Variants in SAMMSON observed in about 807,000 individuals in gnomAD.
The protein encoded by SAMMSON is long intergenic non-protein coding RNA 1212.
intron 3 of SAMMSON, among the ~76,000 whole-genome samples, chr3:70,030,979 C>T (rs533574028): frequency 2.0e-5 from 3 of 152,152 alleles, no homozygotes; most frequent in Non-Finnish European, 4.4e-5. Flanking sequence ...CTGTGAAAAA[C>T]AGTTCAGCAA....
At chr3:70,006,281 T>C (rs751839964) in intron 1 of SAMMSON, among the ~76,000 whole-genome samples, 3 of 152,198 alleles carry the variant, frequency 2.0e-5, no homozygotes, top group Non-Finnish European at 4.4e-5. Flanking sequence ...TCTCACACAT[T>C]TGTGGAGTGT....
intron 9 of SAMMSON, among the ~76,000 whole-genome samples, chr3:70,369,742 A>G (rs1702950812): frequency 6.6e-6 from 1 of 151,888 alleles, no homozygotes; most frequent in Non-Finnish European, 1.5e-5. Flanking sequence ...TTACATTCCT[A>G]GAGTGTATAA....
intron 6 of SAMMSON, among the ~76,000 whole-genome samples, chr3:70,257,641 A>T (rs1701829098): frequency 1.3e-5 from 2 of 152,220 alleles, no homozygotes; most frequent in Non-Finnish European, 2.9e-5. Flanking sequence ...GCTATGAAAC[A>T]TTGCTTAGAG....
chr3:70,267,247 A>T (rs1397197429), intron 6 of SAMMSON, among the ~76,000 whole-genome samples: 3 of 152,160 alleles, frequency 2.0e-5, no homozygotes, highest in Non-Finnish European at 4.4e-5. Context: ...GGCAGAATGC[A>T]AAACAAGAAT....
At chr3:70,275,831 T>C (rs1312021113) in intron 6 of SAMMSON, among the ~76,000 whole-genome samples, 1 of 152,212 alleles carries the variant, frequency 6.6e-6, no homozygotes, top group African/African-American at 2.4e-5. Flanking sequence ...AAATAAGAAC[T>C]TTTCTGCTAA....
At chr3:70,375,050 A>G (rs2686539) in intron 9 of SAMMSON, among the ~76,000 whole-genome samples, 84,135 of 151,944 alleles carry the variant, frequency 0.55, 23,555 homozygotes, top group East Asian at 0.6. Context: ...ATATGTGTGC[A>G]TGCGTGTAAA....
chr3:70,424,081 C>T (rs780831661), intron 2 of SAMMSON, among the ~76,000 whole-genome samples: 3 of 152,004 alleles, frequency 2.0e-5, no homozygotes, highest in African/African-American at 7.2e-5. Context: ...AATTGATTTC[C>T]ATTGTGTAGA....
intron 3 of SAMMSON, chr3:70,068,756 G>A (rs1019854515): frequency 6.6e-6 from 1 of 151,980 alleles, no homozygotes; most frequent in African/African-American, 2.4e-5. Flanking sequence ...AGGATTTCTC[G>A]AGTCACAGTC....
chr3:70,215,993 AT>A (rs1190555742), intron 4 of SAMMSON, among the ~76,000 whole-genome samples: 7 of 152,080 alleles, frequency 4.6e-5, no homozygotes, highest in African/African-American at 1.7e-4. Flanking sequence ...TGAATGCAAC[AT>A]TTGCATTGAT....
At chr3:70,341,330 T>C (rs1453768823) in intron 7 of SAMMSON, among the ~76,000 whole-genome samples, 4 of 151,078 alleles carry the variant, frequency 2.6e-5, no homozygotes. Flanking sequence ...GCAGACCCTG[T>C]TTTTTTTGGC....
chr3:70,302,446 CTT>C (rs138479889), intron 7 of SAMMSON: 1 of 151,910 alleles, frequency 6.6e-6, no homozygotes, highest in African/African-American at 2.4e-5. Context: ...ACATAAGAGA[CTT>C]TTTTTTCCTC....
At chr3:70,284,692 C>A (rs1371261646) in intron 6 of SAMMSON, among the ~76,000 whole-genome samples, 3 of 152,108 alleles carry the variant, frequency 2.0e-5, no homozygotes, top group Non-Finnish European at 4.4e-5. Context: ...GGGAGCTAAA[C>A]AATGAGAACA....
chr3:70,065,600 A>G lies in SAMMSON; in HGVS notation n.418-5876A>G, dbSNP rs1385795405. Reference sequence around the variant, plus strand: ...TTTCAGAAGTATCCACTCTACTGCAAGAGTTCTCCCTGGGGGGCTGTTGTC... The same window carrying G: ...TTTCAGAAGTATCCACTCTACTGCAGGAGTTCTCCCTGGGGGGCTGTTGTC... On this transcript the variant is annotated intron_variant and non_coding_transcript_variant, in intron 3 of 9. Transcript: ENST00000642114. Among the ~76,000 whole-genome samples, 6 of 152,068 alleles carry G rather than the reference A, an allele frequency of 3.9e-5. No homozygotes were observed. In the East Asian group the frequency reaches 9.7e-4, roughly 25 times the overall value.
At chr3:70,323,779 C>T (rs756499779) in intron 7 of SAMMSON, among the ~76,000 whole-genome samples, 1 of 152,128 alleles carries the variant, frequency 6.6e-6, no homozygotes, top group Non-Finnish European at 1.5e-5. Context: ...TGTGAGGCCA[C>T]AGTTCATCTG....
intron 4 of SAMMSON, among the ~76,000 whole-genome samples, chr3:70,199,087 A>G (rs1254802311): frequency 1.3e-5 from 2 of 152,200 alleles, no homozygotes; most frequent in African/African-American, 4.8e-5. Flanking sequence ...TGAATGCTCA[A>G]GAGACTTACT....
chr3:70,055,828 C>G (rs967499736), intron 3 of SAMMSON, among the ~76,000 whole-genome samples: 2 of 152,052 alleles, frequency 1.3e-5, no homozygotes, highest in African/African-American at 4.8e-5. Context: ...ATTCCTTCCT[C>G]TTTGGACTTT....
chr3:70,374,102 CAG>C (rs1702991896), intron 9 of SAMMSON, among the ~76,000 whole-genome samples: 1 of 152,118 alleles, frequency 6.6e-6, no homozygotes, highest in African/African-American at 2.4e-5. Flanking sequence ...TTAATAGAGA[CAG>C]GGTTTCTCCA....
chr3:70,108,998 G>A (rs1432982278), intron 4 of SAMMSON, among the ~76,000 whole-genome samples: 1 of 152,042 alleles, frequency 6.6e-6, no homozygotes, highest in Non-Finnish European at 1.5e-5. Context: ...AAACCCTTAA[G>A]GAACAATTTT....
chr3:70,304,184 G>A (rs1396661187), intron 7 of SAMMSON, among the ~76,000 whole-genome samples: 2 of 152,070 alleles, frequency 1.3e-5, no homozygotes, highest in African/African-American at 4.8e-5. Context: ...AGATGTCCCA[G>A]TCACTCCTGT....
Sources: allele counts gnomAD v4.1 joint callset (sites outside exome capture counted in the v4.1 genomes callset), GRCh38; gene constraint gnomAD v4.1.1; transcripts MANE v1.5; gene names NCBI Gene and HGNC (gene_info 2026-07-23, HGNC 2026-07-21).